The following RIMS2 variants were observed in gnomAD, a reference collection of about 807,000 sequenced individuals.
The protein encoded by RIMS2 is regulating synaptic membrane exocytosis protein 2.
A neutral mutation model predicts 174.4 loss-of-function variants in RIMS2; 59 were observed. The ratio of observed to expected loss-of-function variants is 0.34; its 90% CI spans 0.27 to 0.42. RIMS2 has a LOEUF of 0.42. Among genes scored for constraint, RIMS2 ranks in the 10% least tolerant of loss-of-function variants. RIMS2 has a pLI of 1.00. For missense variants in RIMS2, 1,620 were observed against 1,666.3 expected, an observed-to-expected ratio of 0.97 and a Z score of 0.48; for synonymous variants, 606 against 572.5, an observed-to-expected ratio of 1.06 and a Z score of -0.84.
intron 17 of RIMS2, among the ~76,000 whole-genome samples, chr8:104,001,919 C>T (rs1431904891): frequency 6.6e-6 from 1 of 152,004 alleles, no homozygotes; most frequent in African/African-American, 2.4e-5. Context: ...ATTTTATTCA[C>T]GGATGATTTT....
chr8:103,626,238 C>G (rs897082729), intron 1 of RIMS2, among the ~76,000 whole-genome samples: 3 of 152,078 alleles, frequency 2.0e-5, no homozygotes, highest in African/African-American at 7.2e-5. Flanking sequence ...AGTTTTGATT[C>G]ATAGATTGAA....
intron 1 of RIMS2, among the ~76,000 whole-genome samples, chr8:103,545,689 T>C (rs999380298): frequency 6.6e-6 from 1 of 152,170 alleles, no homozygotes; most frequent in Non-Finnish European, 1.5e-5. Flanking sequence ...CAGCAGAAAC[T>C]CTACAAGCTA....
intron 17 of RIMS2, among the ~76,000 whole-genome samples, chr8:103,993,119 T>C (rs919530405): frequency 6.6e-6 from 1 of 151,822 alleles, no homozygotes; most frequent in Non-Finnish European, 1.5e-5. Flanking sequence ...CTCAAAAAAA[T>C]ATATATATAT....
rs185251666 is a variant in RIMS2, at chr8:103,751,215, C to T, written c.388-15012C>T. 6.2e-3 allele frequency among the ~76,000 whole-genome samples: 947 copies of T among 152,180 alleles called. 18 individuals carry two copies. The highest frequency in any genetic ancestry group is 0.022 in the African/African-American group (894 of 41,510). ...TGCGGTGTTTGGTTTTTTGTCCTTG[C>T]GATAGTTTACTGAGAATGATGGTTT... On this transcript the variant is annotated intron_variant, in intron 2 of 23. Coordinates refer to ENST00000504942, the Ensembl canonical transcript of RIMS2.
intron 19 of RIMS2, among the ~76,000 whole-genome samples, chr8:104,191,214 G>GA (rs1295527964): frequency 6.6e-6 from 1 of 151,990 alleles, no homozygotes; most frequent in Admixed American, 6.6e-5. Context: ...TCAGCGCAGT[G>GA]AAAATCAAGC....
At chr8:103,984,746 C>T (rs1162046044) in intron 16 of RIMS2, among the ~76,000 whole-genome samples, 1 of 152,192 alleles carries the variant, frequency 6.6e-6, no homozygotes, top group East Asian at 1.9e-4. Context: ...CATATTTGCC[C>T]TGTCATATTT....
intron 19 of RIMS2, among the ~76,000 whole-genome samples, chr8:104,071,471 G>A (rs1008512711): frequency 1.3e-5 from 2 of 152,124 alleles, no homozygotes; most frequent in African/African-American, 4.8e-5. Flanking sequence ...GTCTTGCTCT[G>A]TCACCCAGGC....
chr8:103,784,044 T>C (rs1038362218), intron 3 of RIMS2, among the ~76,000 whole-genome samples: 2 of 150,754 alleles, frequency 1.3e-5, no homozygotes, highest in African/African-American at 2.4e-5. Flanking sequence ...TTTCATGTGT[T>C]TTTTGGCTGC....
At chr8:104,148,528 A>G in intron 19 of RIMS2, 79 bp from the exon 25 acceptor site, 1 of 1,275,094 alleles carries the variant, frequency 7.8e-7, no homozygotes, top group Non-Finnish European at 1.1e-6. Context: ...ATTATACTCC[A>G]AATGTTTTAT....
chr8:103,543,647 T>C (rs1843547890), intron 1 of RIMS2, among the ~76,000 whole-genome samples: 1 of 152,116 alleles, frequency 6.6e-6, no homozygotes, highest in Non-Finnish European at 1.5e-5. Context: ...TATAAACAGA[T>C]ATATAGACCA....
At chr8:103,810,316 A>G (rs2098678437) in intron 3 of RIMS2, among the ~76,000 whole-genome samples, 1 of 152,150 alleles carries the variant, frequency 6.6e-6, no homozygotes, top group Non-Finnish European at 1.5e-5. Context: ...AAAGATAAAA[A>G]AGAAAGAAAG....
intron 1 of RIMS2, among the ~76,000 whole-genome samples, chr8:103,538,578 G>A (rs769825961): frequency 5.9e-5 from 9 of 151,416 alleles, no homozygotes; most frequent in East Asian, 1.9e-4. Context: ...CTACAGTGGC[G>A]CAATCTCAGC....
intron 1 of RIMS2, among the ~76,000 whole-genome samples, chr8:103,602,581 G>A (rs1357912611): frequency 1.3e-5 from 2 of 152,108 alleles, no homozygotes; most frequent in African/African-American, 2.4e-5. Context: ...TCTTGCATTA[G>A]TTTGCTTAGG....
chr8:103,935,170 A>G (rs2080964304), intron 12 of RIMS2, among the ~76,000 whole-genome samples: 1 of 152,202 alleles, frequency 6.6e-6, no homozygotes, highest in Admixed American at 6.5e-5. Flanking sequence ...GAGGGAGAGA[A>G]AGATCATACA....
intron 1 of RIMS2, among the ~76,000 whole-genome samples, chr8:103,584,942 T>C (rs763702390): frequency 1.3e-5 from 2 of 152,090 alleles, no homozygotes; most frequent in Non-Finnish European, 2.9e-5. Context: ...ATAAACTGGC[T>C]GAATGGATGA....
intron 1 of RIMS2, among the ~76,000 whole-genome samples, chr8:103,622,350 C>G (rs78854042): frequency 6.6e-6 from 1 of 151,810 alleles, no homozygotes; most frequent in Admixed American, 6.6e-5. Flanking sequence ...AAGATATTAT[C>G]TGGAAGATTA....
chr8:103,966,500 TTATAC>T (rs2091865999), intron 15 of RIMS2, among the ~76,000 whole-genome samples: 2 of 152,104 alleles, frequency 1.3e-5, no homozygotes, highest in South Asian at 4.1e-4. Context: ...TTAGTAATTT[TTATAC>T]CCTGTTTCTC....
intron 19 of RIMS2, among the ~76,000 whole-genome samples, chr8:104,168,605 G>A (rs1357725445): frequency 1.3e-5 from 2 of 151,642 alleles, no homozygotes; most frequent in African/African-American, 2.4e-5. Flanking sequence ...TCATATCAGC[G>A]ACAGTTTGAC....
At chr8:103,774,400 A>C (rs1592095119) in intron 3 of RIMS2, among the ~76,000 whole-genome samples, 1 of 152,348 alleles carries the variant, frequency 6.6e-6, no homozygotes, top group East Asian at 1.9e-4. Flanking sequence ...TCTCATTCAT[A>C]GAATTTCCAA....
Sources: gnomAD v4.1 joint callset for allele counts (sites outside exome capture counted in the v4.1 genomes callset) on GRCh38, gnomAD v4.1.1 for gene constraint, MANE v1.5 for transcripts, NCBI Gene and HGNC (gene_info 2026-07-23, HGNC 2026-07-21) for gene names.